Variants in TEX101 observed in about 807,000 individuals in gnomAD.
TEX101 encodes testis expressed 101.
TEX101 carries 10 observed loss-of-function variants against 18.1 expected under a neutral mutation model. The ratio of observed to expected loss-of-function variants is 0.55; its 90% CI spans 0.34 to 0.94. The LOEUF is 0.94. Ranked by LOEUF, TEX101 falls within the 40% of genes least tolerant of loss-of-function variation. The pLI, the probability that TEX101 is intolerant of heterozygous loss-of-function variation, is 0.02. For synonymous variants in TEX101, 94 were observed against 114.8 expected, an observed-to-expected ratio of 0.82 and a Z score of 1.16; for missense variants, 259 against 298.9, an observed-to-expected ratio of 0.87 and a Z score of 0.98.
rs765107389 is a variant in TEX101 at position 43,418,300 on chromosome 19, G to A, written c.653G>A (p.Arg218Gln). Residue 218 changes from arginine to glutamine, a missense_variant, in exon 6 of 6, where the codon CGA becomes CAA. Transcript: ENST00000598265. ...ACPHQLLTQPRKTENGATCLP... is the reference protein window; with the variant it reads ...ACPHQLLTQPQKTENGATCLP... Reference sequence around the variant, plus strand: ...CCACATCAGCTGCTCACTCAACCTCGAAAGACTGAAAATGGGGCCACCTGT... The same window carrying A: ...CCACATCAGCTGCTCACTCAACCTCAAAAGACTGAAAATGGGGCCACCTGT... The A allele has an allele frequency of 1.9e-5, 30 of 1,614,046 alleles. No individual in the cohort carries two copies. Among genetic ancestry groups the A allele is most frequent in the Middle Eastern group, 1.6e-4 (1 of 6,084 alleles).
At chr19:43,406,684 G>T (rs545113843) in intron 3 of TEX101, among the ~76,000 whole-genome samples, 2 of 152,306 alleles carry the variant, frequency 1.3e-5, no homozygotes, top group East Asian at 3.9e-4. Flanking sequence ...TGGGACACAC[G>T]TCTGAACGCA....
At chr19:43,392,366 T>C in the TEX101 span, among the ~76,000 whole-genome samples, 1 of 151,934 alleles carries the variant, frequency 6.6e-6, no homozygotes, top group Non-Finnish European at 1.5e-5. Context: ...AATGGTGTTA[T>C]AATCCAGAAA....
At chr19:43,396,826 A>ATTTTTT (rs1202828153), upstream of TEX101, among the ~76,000 whole-genome samples, 2 of 82,912 alleles carry the variant, frequency 2.4e-5, no homozygotes, top group African/African-American at 5.1e-5. Flanking sequence ...TGTTTTCAGC[A>ATTTTTT]TTTTTTTTTT....
chr19:43,402,607 GTC>G (rs1295932974), intron 1 of TEX101, among the ~76,000 whole-genome samples: 3 of 150,664 alleles, frequency 2.0e-5, no homozygotes, highest in Non-Finnish European at 3.0e-5. Context: ...TTGAGATGGA[GTC>G]TCACTCTGTC....
intron 2 of TEX101, among the ~76,000 whole-genome samples, chr19:43,403,190 C>T (rs187089035): frequency 1.8e-4 from 28 of 152,100 alleles, no homozygotes; most frequent in African/African-American, 6.0e-4. Flanking sequence ...CTCTGTGGAC[C>T]GTATTGGATT....
intron 4 of TEX101, 132 bp downstream of exon 4, chr19:43,416,687 T>G: frequency 1.2e-6 from 1 of 868,404 alleles, no homozygotes. Context: ...TTCAAGTAAT[T>G]TTATGTTTCT....
At chr19:43,411,608 T>C (rs1458735951), upstream of TEX101, among the ~76,000 whole-genome samples, 1 of 152,226 alleles carries the variant, frequency 6.6e-6, no homozygotes, top group Non-Finnish European at 1.5e-5. Flanking sequence ...TTGCCAACCA[T>C]TGCTCTAGAC....
upstream of TEX101, among the ~76,000 whole-genome samples, chr19:43,399,528 GA>G (rs1344279182): frequency 1.3e-5 from 2 of 152,026 alleles, no homozygotes; most frequent in African/African-American, 4.8e-5. Flanking sequence ...CTCTAATGAA[GA>G]AAACTTCCTC....
chr19:43,396,521 G>C (rs1485949975), upstream of TEX101, among the ~76,000 whole-genome samples: 1 of 152,176 alleles, frequency 6.6e-6, no homozygotes, highest in Non-Finnish European at 1.5e-5. Flanking sequence ...TTTAACAACT[G>C]TCATGTGTAA....
At chr19:43,391,154 A>C in the TEX101 span, among the ~76,000 whole-genome samples, 7 of 152,226 alleles carry the variant, frequency 4.6e-5, no homozygotes, top group African/African-American at 1.7e-4. Context: ...GGATGGATGG[A>C]CACTGGGCTT....
intron 2 of TEX101, chr19:43,406,081 C>CAAATAAAAAAAAAAAAAAAAAA (rs1970359063): frequency 1.7e-5 from 1 of 58,814 alleles, no homozygotes; most frequent in African/African-American, 5.6e-5. Flanking sequence ...CCTGTCTCTA[C>CAAATAAAAAAAAAAAAAAAAAA]AAAAAAAAAA....
At chr19:43,408,172 CCCCGCCCT>C (rs1970386720) in intron 3 of TEX101, among the ~76,000 whole-genome samples, 2 of 152,264 alleles carry the variant, frequency 1.3e-5, no homozygotes, top group South Asian at 4.1e-4. Context: ...GAGGCGCCCG[CCCCGCCCT>C]CTGGGCTTTC....
At chr19:43,396,800 G>A (rs1229909676), upstream of TEX101, among the ~76,000 whole-genome samples, 2 of 151,448 alleles carry the variant, frequency 1.3e-5, no homozygotes, top group Non-Finnish European at 2.9e-5. Context: ...AATTCTGTGG[G>A]GCAGGAATTG....
chr19:43,418,026 T>C lies in TEX101; in HGVS notation c.520+20T>C. ...CTGGAGGTAAACTGAAATGAACATCTGATAGTTTCAGAGGCTGGAAAACCA... is the reference window on the plus strand; with the variant it reads ...CTGGAGGTAAACTGAAATGAACATCCGATAGTTTCAGAGGCTGGAAAACCA... On this transcript the variant is annotated intron_variant, in intron 5 of 5. Coordinates refer to ENST00000598265, the MANE Select transcript of TEX101 (RefSeq NM_001130011.3). 1.2e-6 allele frequency: 2 copies of C among 1,614,148 alleles called. No homozygotes were observed. The highest frequency in any genetic ancestry group is 4.5e-5 in the East Asian group (2 of 44,886).
chr19:43,410,499 G>A (rs1429783146), upstream of TEX101, among the ~76,000 whole-genome samples: 1 of 152,116 alleles, frequency 6.6e-6, no homozygotes, highest in Non-Finnish European at 1.5e-5. Context: ...AATACAGGAA[G>A]CATGGAAAAA....
chr19:43,414,848 T>A (rs971825607), upstream of TEX101: 1 of 985,070 alleles, frequency 1.0e-6, no homozygotes, highest in Non-Finnish European at 1.2e-6. Context: ...ACCAATGGGG[T>A]TTCGAGTGCT....
rs768884029 is a variant in TEX101 at position 43,416,208 on chromosome 19, A to G, written c.174A>G (p.Ala58=). The change falls in exon 3 of 6, where the codon GCA becomes GCG. Residue 58 remains alanine, a synonymous_variant. Transcript: ENST00000598265. ...TEEVETCDKG[A]LCQETILIIK... ...AAGTGGAGACTTGTGACAAAGGGGCACTTTGCCAGGAAACCATACTAATAA... is the reference window on the plus strand; with the variant it reads ...AAGTGGAGACTTGTGACAAAGGGGCGCTTTGCCAGGAAACCATACTAATAA... 6.2e-7 allele frequency: 1 copy of G among 1,612,186 alleles called. No individual in the cohort carries two copies. The highest frequency in any genetic ancestry group is 2.2e-5 in the East Asian group (1 of 44,878).
At chr19:43,397,834 T>A (rs1359117547), upstream of TEX101, among the ~76,000 whole-genome samples, 34 of 111,938 alleles carry the variant, frequency 3.0e-4, no homozygotes, top group African/African-American at 1.0e-3. Flanking sequence ...AAAATATATA[T>A]TTTATATAAA....
chr19:43,391,680 C>T, the TEX101 span, among the ~76,000 whole-genome samples: 2 of 152,118 alleles, frequency 1.3e-5, no homozygotes, highest in African/African-American at 4.8e-5. Flanking sequence ...TCATTCTTTG[C>T]CACAGCTGCC....
Sources: gnomAD v4.1 joint callset for allele counts (sites outside exome capture counted in the v4.1 genomes callset) on GRCh38, gnomAD v4.1.1 for gene constraint, MANE v1.5 for transcripts, NCBI Gene and HGNC (gene_info 2026-07-23, HGNC 2026-07-21) for gene names.